Variants in ELAC1 observed in about 807,000 individuals in gnomAD.
ELAC1 encodes elaC ribonuclease Z 1.
ELAC1 carries 19 observed loss-of-function variants against 25.8 expected under a neutral mutation model. The ratio of observed to expected loss-of-function variants is 0.74; its 90% confidence interval spans 0.51 to 1.08. The LOEUF is 1.08. ELAC1 is among the 50% of genes least tolerant of loss of function. The probability of loss-of-function intolerance (pLI) is 0.00; values close to 1 mark genes in which losing one functional copy is unlikely to be tolerated. For synonymous variants in ELAC1, 148 were observed against 160.9 expected (o/e 0.92, Z 0.61); for missense variants, 403 against 434.6 (o/e 0.93, Z 0.65).
Position 50,987,066 on chromosome 18 carries a change from G to C in ELAC1, c.1073G>C (p.Ser358Thr), listed in dbSNP as rs1306779660. 6.5e-7 allele frequency: 1 copy of C among 1,544,030 alleles called. No individual in the cohort carries two copies. Among genetic ancestry groups the C allele is most frequent in the Non-Finnish European group, 8.7e-7 (1 of 1,145,078 alleles). Residue 358 changes from serine (S) to threonine (T), a missense_variant, in exon 4 of 4, where the codon AGC (serine) becomes ACC (threonine). Ser to Thr is a moderately conservative substitution (Grantham distance 58). Coordinates refer to ENST00000269466, the MANE Select transcript of ELAC1 (RefSeq NM_018696.3). ...CTAGCAGAAGATTTTATGGTGATAA[G>C]CATTCCAATCAAGAAATGAAACCAG... ...VTLAEDFMVI[S>T]IPIKK
chr18:50,978,426 T>C (rs1907853166), intron 2 of ELAC1, among the ~76,000 whole-genome samples: 1 of 152,126 alleles, frequency 6.6e-6, no homozygotes, highest in Non-Finnish European at 1.5e-5. Flanking sequence ...GGCAAAGGTA[T>C]GTCTTACATG....
chr18:50,972,127 A>G (rs766784763), intron 1 of ELAC1, among the ~76,000 whole-genome samples: 6 of 150,802 alleles, frequency 4.0e-5, no homozygotes, highest in Non-Finnish European at 8.8e-5. Flanking sequence ...TTTAGTGAAA[A>G]TGTCTGTTTT....
intron 1 of ELAC1, among the ~76,000 whole-genome samples, chr18:50,971,191 G>A (rs1235069343): frequency 6.6e-6 from 1 of 152,036 alleles, no homozygotes; most frequent in Non-Finnish European, 1.5e-5. Flanking sequence ...GGGATTACTG[G>A]GTGAAAGCAT....
chr18:50,971,908 GTGTGTATATATATATATA>G (rs1179459974), intron 1 of ELAC1, among the ~76,000 whole-genome samples: 5 of 127,284 alleles, frequency 3.9e-5, no homozygotes, highest in African/African-American at 1.7e-4. Context: ...GTGTGTGTGT[GTGTGTATATATATATATA>G]TATATATATA....
intron 3 of ELAC1, among the ~76,000 whole-genome samples, chr18:50,986,162 GGT>G (rs1908104962): frequency 6.6e-6 from 1 of 152,042 alleles, no homozygotes; most frequent in Middle Eastern, 3.4e-3. Context: ...TGGGACTACA[GGT>G]GTGCACCACT....
At chr18:50,984,919 G>A (rs925287987) in intron 3 of ELAC1, 6 of 306,384 alleles carry the variant, frequency 2.0e-5, no homozygotes, top group Admixed American at 4.8e-5. Context: ...GTGACAAAGC[G>A]AAACTCTGTC....
chr18:50,983,155 GTTT>G (rs552455433), intron 2 of ELAC1, among the ~76,000 whole-genome samples: 239 of 60,832 alleles, frequency 3.9e-3, no homozygotes, highest in African/African-American at 0.014. Context: ...TTTACTTGGT[GTTT>G]TTTTTTTTTT....
intron 2 of ELAC1, among the ~76,000 whole-genome samples, chr18:50,982,160 T>G (rs1297891210): frequency 2.6e-5 from 4 of 152,286 alleles, no homozygotes; most frequent in Middle Eastern, 3.4e-3. Flanking sequence ...TGCTGTAGTT[T>G]TTTTGTCTGC....
intron 2 of ELAC1, among the ~76,000 whole-genome samples, chr18:50,982,832 C>G (rs1907989145): frequency 6.6e-6 from 1 of 152,138 alleles, no homozygotes; most frequent in East Asian, 1.9e-4. Flanking sequence ...TCCTACCTCC[C>G]TTCTCCCTCC....
chr18:50,980,763 G>GAAAAAAAAAAA (rs761954317), intron 2 of ELAC1, among the ~76,000 whole-genome samples: 1 of 67,842 alleles, frequency 1.5e-5, no homozygotes, highest in African/African-American at 4.5e-5. Context: ...ACTCCATCTC[G>GAAAAAAAAAAA]AAAAAAAAAA....
intron 1 of ELAC1, among the ~76,000 whole-genome samples, chr18:50,970,737 A>T (rs189800947): frequency 1.6e-3 from 237 of 151,534 alleles, no homozygotes; most frequent in East Asian, 1.5e-3. Flanking sequence ...ATATAAATTT[A>T]AAAAAAATAA....
At chr18:50,983,398 C>G (rs1163794763) in intron 2 of ELAC1, among the ~76,000 whole-genome samples, 1 of 151,956 alleles carries the variant, frequency 6.6e-6, no homozygotes, top group African/African-American at 2.4e-5. Context: ...CTCCCGACCT[C>G]AGGTGATCCT....
chr18:50,974,588 A>G, intron 2 of ELAC1, 27 bp downstream of exon 2: 2 of 1,611,186 alleles, frequency 1.2e-6, no homozygotes, highest in Non-Finnish European at 1.7e-6. Context: ...CTATCTCATT[A>G]AGATTTTTTT....
At chr18:50,986,258 C>T (rs1325998221) in intron 3 of ELAC1, among the ~76,000 whole-genome samples, 1 of 152,094 alleles carries the variant, frequency 6.6e-6, no homozygotes, top group African/African-American at 2.4e-5. Flanking sequence ...TTTAAATACA[C>T]TCTCAAATTT....
At chr18:50,980,468 A>G (rs1024259384) in intron 2 of ELAC1, among the ~76,000 whole-genome samples, 1 of 151,968 alleles carries the variant, frequency 6.6e-6, no homozygotes, top group Non-Finnish European at 1.5e-5. Context: ...ATACGCTTAG[A>G]AAAAAAATTT....
intron 1 of ELAC1, among the ~76,000 whole-genome samples, chr18:50,973,358 A>G (rs900889245): frequency 6.6e-6 from 1 of 152,236 alleles, no homozygotes; most frequent in Admixed American, 6.5e-5. Flanking sequence ...TCAGAAGTAT[A>G]TCAGTGATGT....
chr18:50,985,617 T>G (rs1054795249), intron 3 of ELAC1, among the ~76,000 whole-genome samples: 3 of 152,256 alleles, frequency 2.0e-5, no homozygotes, highest in Non-Finnish European at 4.4e-5. Flanking sequence ...TTGTGTGTGT[T>G]TGTTTTTTTA....
At chr18:50,976,930 G>A (rs569811525) in intron 2 of ELAC1, among the ~76,000 whole-genome samples, 30 of 152,310 alleles carry the variant, frequency 2.0e-4, no homozygotes, top group African/African-American at 5.8e-4. Flanking sequence ...TAGGCCCCAC[G>A]CAAGTCCAAA....
At chr18:50,976,251 A>T (rs1034639674) in intron 2 of ELAC1, among the ~76,000 whole-genome samples, 4 of 152,178 alleles carry the variant, frequency 2.6e-5, no homozygotes, top group African/African-American at 9.7e-5. Context: ...AGCATCAGGG[A>T]GACCAGTTCC....
Sources: allele counts gnomAD v4.1 joint callset (sites outside exome capture counted in the v4.1 genomes callset), GRCh38; gene constraint gnomAD v4.1.1; transcripts MANE v1.5; gene names NCBI Gene and HGNC (gene_info 2026-07-23, HGNC 2026-07-21).